ITPR1: variants seen among roughly 807,000 people sequenced by gnomAD.
The protein encoded by ITPR1 is inositol 1,4,5-trisphosphate-gated calcium channel ITPR1.
In ITPR1, 96 loss-of-function variants were observed where a neutral mutation model predicts 318.4. The observed-to-expected ratio is 0.30, with a 90% CI of 0.26 to 0.36. The LOEUF (loss-of-function observed/expected upper bound fraction) is 0.36. Among genes scored for constraint, ITPR1 ranks in the 10% least tolerant of loss-of-function variants. The pLI is 1.00. For missense variants in ITPR1, 2,440 were observed against 3,460.2 expected, an observed-to-expected ratio of 0.71 and a Z score of 7.40; for synonymous variants, 1,312 against 1,289.9, an observed-to-expected ratio of 1.02 and a Z score of -0.37.
intron 55 of ITPR1, among the ~76,000 whole-genome samples, chr3:4,810,826 C>T (rs1464063074): frequency 2.0e-5 from 3 of 152,196 alleles, no homozygotes; most frequent in African/African-American, 7.2e-5. Context: ...GCCACTGACG[C>T]TGGCTTGTAG....
Position 4,821,672 on chromosome 3 carries a change from C to A in ITPR1, c.8028+3430C>A, listed in dbSNP as rs569529533. Among the ~76,000 whole-genome samples the A allele has an allele frequency of 2.6e-5, 4 of 152,320 alleles. No individual in the cohort carries two copies. The South Asian group carries it at 8.3e-4, about 32-fold the overall frequency. ...ATTCCCTGCATTGGTGGCTGCTCAG[C>A]CATGTAAAAACACAACAGCCTGTCT... On this transcript the variant is annotated intron_variant, in intron 60 of 61. Coordinates refer to ENST00000649015, the MANE Select transcript of ITPR1 (RefSeq NM_001378452.1).
intron 4 of ITPR1, among the ~76,000 whole-genome samples, chr3:4,583,464 A>G (rs1575605406): frequency 6.6e-6 from 1 of 152,116 alleles, no homozygotes; most frequent in South Asian, 2.1e-4. Flanking sequence ...AGGGGCTGGG[A>G]TGAGTGCGTT....
intron 4 of ITPR1, among the ~76,000 whole-genome samples, chr3:4,560,059 A>C (rs912153890): frequency 1.3e-5 from 2 of 152,188 alleles, no homozygotes; most frequent in African/African-American, 2.4e-5. Context: ...CTCATCTGTA[A>C]AATGGAGAAA....
At chr3:4,670,965 C>T in intron 20 of ITPR1, 39 bp downstream of exon 20, 1 of 1,400,794 alleles carries the variant, frequency 7.1e-7, no homozygotes, top group Non-Finnish European at 9.5e-7. Context: ...TGGGGTGCCC[C>T]AAAACAGTGG....
At chr3:4,833,110 G>T (rs1347803106) in intron 60 of ITPR1, among the ~76,000 whole-genome samples, 1 of 152,200 alleles carries the variant, frequency 6.6e-6, no homozygotes, top group Non-Finnish European at 1.5e-5. Context: ...GCAGGACACA[G>T]ATATTGTAAA....
intron 2 of ITPR1, among the ~76,000 whole-genome samples, chr3:4,511,319 G>A (rs61327450): frequency 0.011 from 1,656 of 151,004 alleles, 30 homozygotes; most frequent in African/African-American, 0.038. Context: ...TTTTTTTTAC[G>A]CACAGCTCAG....
In ITPR1 at chr3:4,667,478, C is replaced by T; in HGVS notation, c.1815C>T (p.Leu605=). 1 of 1,613,810 alleles carries T rather than the reference C, an allele frequency of 6.2e-7. No individual in the cohort carries two copies. The highest frequency in any genetic ancestry group is 2.2e-5 in the East Asian group (1 of 44,870). ...ITALLHNNRK[L]LEKHITAAEI... ...CCCTGCTCCACAATAATCGGAAACTCCTGGAAAAACACATTACCGCGGCAG... is the reference window on the plus strand; with the variant it reads ...CCCTGCTCCACAATAATCGGAAACTTCTGGAAAAACACATTACCGCGGCAG... The change falls in exon 18 of 62, where the codon CTC becomes CTT. Residue 605 remains leucine (L), a synonymous_variant. Transcript: ENST00000649015.
chr3:4,538,824 A>G (rs915459555), intron 4 of ITPR1, among the ~76,000 whole-genome samples: 24 of 152,212 alleles, frequency 1.6e-4, no homozygotes, highest in African/African-American at 5.3e-4. Context: ...GGAGCTGAAC[A>G]ATGAGAATGC....
intron 36 of ITPR1, 148 bp from the exon 37 acceptor site, chr3:4,706,019 A>G: frequency 1.5e-6 from 1 of 685,062 alleles, no homozygotes. Flanking sequence ...AGTTGACTTG[A>G]GCTTCTCAGT....
At chr3:4,517,397 G>T (rs992763984) in intron 3 of ITPR1, among the ~76,000 whole-genome samples, 3 of 152,150 alleles carry the variant, frequency 2.0e-5, no homozygotes, top group Admixed American at 6.5e-5. Flanking sequence ...AAATAAATTG[G>T]GGGAAGGAAG....
At chr3:4,832,556 G>A (rs992280761) in intron 60 of ITPR1, among the ~76,000 whole-genome samples, 10 of 152,224 alleles carry the variant, frequency 6.6e-5, no homozygotes, top group Admixed American at 2.0e-4. Flanking sequence ...GCTTGAACCC[G>A]GTAGATAGGC....
chr3:4,563,352 A>T (rs2086877413), intron 4 of ITPR1, among the ~76,000 whole-genome samples: 1 of 151,838 alleles, frequency 6.6e-6, no homozygotes, highest in Non-Finnish European at 1.5e-5. Flanking sequence ...TACAAAGAAT[A>T]AAAAAAATTA....
rs891391878 is a variant in ITPR1 at position 4,811,311 on chromosome 3, A to G, written c.7319A>G (p.Lys2440Arg). The stretch of plus-strand genomic sequence containing the variant: ...GAAGAGACTTTGCTTAATGTCATTA[A>G]AAGTGTCACTCGCAATGGACGGTCC... Reference protein sequence around the residue: ...YREETLLNVIKSVTRNGRSII... With the variant: ...YREETLLNVIRSVTRNGRSII... Residue 2440 changes from lysine (K) to arginine (R), a missense_variant, in exon 56 of 62, where the codon AAA becomes AGA. Physicochemically the swap from Lys to Arg is conservative, Grantham distance 26 (BLOSUM62 2). Coordinates refer to ENST00000649015, the MANE Select transcript of ITPR1 (RefSeq NM_001378452.1). 1 of 1,611,438 alleles carries G rather than the reference A, an allele frequency of 6.2e-7. No individual in the cohort carries two copies. Among genetic ancestry groups the G allele is most frequent in the African/African-American group, 1.3e-5 (1 of 74,850 alleles).
At chr3:4,512,416 A>G (rs774304943) in intron 2 of ITPR1, among the ~76,000 whole-genome samples, 1 of 152,176 alleles carries the variant, frequency 6.6e-6, no homozygotes, top group African/African-American at 2.4e-5. Flanking sequence ...CTTTTATTCC[A>G]TGATTCTGTG....
rs1427292676 is a variant in ITPR1 at position 4,516,466 on chromosome 3, C to T, written c.-16-10C>T. 1 of 1,352,822 alleles carries T rather than the reference C, an allele frequency of 7.4e-7. No individual in the cohort carries two copies. The allele number at this position is 1,352,822 out of a possible 1,614,324, so 83.8% of individuals were successfully genotyped here. A position where few individuals can be genotyped will look rare whatever the true frequency, so the allele number is the denominator to read the frequency against. ...TCTTCTAACAATGCTGCATATTTTACTTTGTCTAGGATTTTCAAGAAAGAC... is the reference window on the plus strand; with the variant it reads ...TCTTCTAACAATGCTGCATATTTTATTTTGTCTAGGATTTTCAAGAAAGAC... On this transcript the variant is annotated splice_polypyrimidine_tract_variant and intron_variant, in intron 2 of 61. Transcript: ENST00000649015.
intron 4 of ITPR1, among the ~76,000 whole-genome samples, chr3:4,545,722 GA>G (rs1261172119): frequency 6.3e-5 from 8 of 127,472 alleles, no homozygotes; most frequent in Non-Finnish European, 1.3e-4. Flanking sequence ...TTTAAAGACA[GA>G]GTCTTGCTCT....
At chr3:4,714,334 C>G (rs1165731066) in intron 39 of ITPR1, among the ~76,000 whole-genome samples, 1 of 152,192 alleles carries the variant, frequency 6.6e-6, no homozygotes, top group Non-Finnish European at 1.5e-5. Flanking sequence ...TTTCCCTCCT[C>G]CCATCCCTGT....
intron 52 of ITPR1, among the ~76,000 whole-genome samples, chr3:4,788,928 A>G (rs1220807463): frequency 6.6e-6 from 1 of 152,104 alleles, no homozygotes; most frequent in Non-Finnish European, 1.5e-5. Context: ...TGGGGTGGAG[A>G]ACAGCCGTGT....
At chr3:4,819,254 G>A (rs1178822155) in intron 60 of ITPR1, among the ~76,000 whole-genome samples, 4 of 152,174 alleles carry the variant, frequency 2.6e-5, no homozygotes, top group Non-Finnish European at 5.9e-5. Context: ...TGAATACCCC[G>A]ATTACAGAGG....
Sources: allele counts gnomAD v4.1 joint callset (sites outside exome capture counted in the v4.1 genomes callset), GRCh38; gene constraint gnomAD v4.1.1; transcripts MANE v1.5; gene names NCBI Gene and HGNC (gene_info 2026-07-23, HGNC 2026-07-21).